DHRS7B: variants seen among roughly 807,000 people sequenced by gnomAD.
The protein encoded by DHRS7B is dehydrogenase/reductase 7B.
A neutral mutation model predicts 26.4 loss-of-function variants in DHRS7B; 24 were observed. The observed-to-expected ratio is 0.91, with a 90% confidence interval of 0.66 to 1.28. DHRS7B has a LOEUF of 1.28. Ranked by LOEUF, DHRS7B falls within the 50% of genes most tolerant of loss-of-function variation. The pLI is 0.00. For missense variants in DHRS7B, 368 were observed against 419.4 expected (o/e 0.88, Z 1.07); for synonymous variants, 142 against 166.4 (o/e 0.85, Z 1.13).
At chr17:21,188,593 G>A (rs1974702059) in intron 5 of DHRS7B, 118 bp from the exon 6 acceptor site, 1 of 1,194,604 alleles carries the variant, frequency 8.4e-7, no homozygotes, top group African/African-American at 1.6e-5. Context: ...ATAGCAAGAC[G>A]ATCACAAATA....
chr17:21,141,619 CAAAA>C (rs71357469), intron 1 of DHRS7B, among the ~76,000 whole-genome samples: 6 of 14,384 alleles, frequency 4.2e-4, no homozygotes, highest in Middle Eastern at 0.071. Flanking sequence ...AGCAAGAAAG[CAAAA>C]AAAAAAAAAA....
intron 1 of DHRS7B, among the ~76,000 whole-genome samples, chr17:21,148,731 G>A (rs1427794353): frequency 6.6e-6 from 1 of 152,082 alleles, no homozygotes; most frequent in Non-Finnish European, 1.5e-5. Context: ...AGGCGACAGA[G>A]CGAGATTGTA....
At chr17:21,138,099 T>TACACACACACACACAC (rs1449609485) in intron 1 of DHRS7B, among the ~76,000 whole-genome samples, 45 of 87,668 alleles carry the variant, frequency 5.1e-4, no homozygotes, top group Admixed American at 6.7e-4. Flanking sequence ...TATATATATA[T>TACACACACACACACAC]ATACACACAC....
chr17:21,134,316 T>C (rs747810115), intron 1 of DHRS7B, among the ~76,000 whole-genome samples: 3 of 152,204 alleles, frequency 2.0e-5, no homozygotes, highest in African/African-American at 4.8e-5. Context: ...TTAAATTGCT[T>C]TGATGGAACT....
At chr17:21,190,801 G>C (rs570722903) in intron 6 of DHRS7B, 147 bp from the exon 7 acceptor site, 1 of 754,458 alleles carries the variant, frequency 1.3e-6, no homozygotes, top group South Asian at 1.8e-5. Context: ...CATCAGGGAT[G>C]GTGGCACACC....
At chr17:21,187,633 C>CAAA (rs370213730) in intron 5 of DHRS7B, among the ~76,000 whole-genome samples, 1 of 99,690 alleles carries the variant, frequency 1.0e-5, no homozygotes, top group Non-Finnish European at 2.0e-5. Flanking sequence ...GACTCTGTCT[C>CAAA]AAAAAAAAAA....
rs769652267 is a variant in DHRS7B, at chr17:21,172,185, G to A, written c.188G>A (p.Gly63Glu). The change falls in exon 2 of 7, where the codon GGG becomes GAG. Residue 63 changes from glycine (G) to glutamate (E), a missense_variant. Gly to Glu is a moderately conservative substitution (Grantham distance 98). Transcript: ENST00000395511. The stretch of plus-strand genomic sequence containing the variant: ...GTGGTGATCACAGGCGCCACCTCAG[G>A]GCTGGGCAAAGGTGGGTCCTGGAGG... ...AVVVITGATS[G>E]LGKECAKVFY... 4 of 1,611,978 alleles carry A rather than the reference G, an allele frequency of 2.5e-6. No individual in the cohort carries two copies. The highest frequency in any genetic ancestry group is 3.4e-6 in the Non-Finnish European group (4 of 1,179,210).
chr17:21,147,974 G>T (rs1490366766), intron 1 of DHRS7B, among the ~76,000 whole-genome samples: 1 of 152,172 alleles, frequency 6.6e-6, no homozygotes, highest in Non-Finnish European at 1.5e-5. Flanking sequence ...CCAGGACTCA[G>T]GGAGGCTAAG....
intron 1 of DHRS7B, 197 bp downstream of exon 1, chr17:21,127,188 C>G: frequency 1.8e-6 from 1 of 545,740 alleles, no homozygotes; most frequent in Non-Finnish European, 3.0e-6. Context: ...AGAGCCCTGG[C>G]TCCGGCGAGT....
intron 6 of DHRS7B, 55 bp from the exon 7 acceptor site, chr17:21,190,893 C>G: frequency 1.9e-6 from 3 of 1,594,674 alleles, no homozygotes; most frequent in African/African-American, 2.7e-5. Flanking sequence ...CTCCACTCCT[C>G]AAGAGGGACC....
intron 1 of DHRS7B, among the ~76,000 whole-genome samples, chr17:21,137,892 C>T (rs1428666556): frequency 6.7e-6 from 1 of 150,278 alleles, no homozygotes; most frequent in Non-Finnish European, 1.5e-5. Context: ...CACCCAGCCT[C>T]TGGCTAATTT....
chr17:21,134,278 C>G (rs1438597406), intron 1 of DHRS7B, among the ~76,000 whole-genome samples: 24 of 152,084 alleles, frequency 1.6e-4, no homozygotes, highest in Non-Finnish European at 2.8e-4. Flanking sequence ...TACAGTGCAG[C>G]AAGAATAATT....
intron 2 of DHRS7B, among the ~76,000 whole-genome samples, chr17:21,176,693 A>G (rs1221947038): frequency 1.3e-5 from 2 of 151,896 alleles, no homozygotes; most frequent in Non-Finnish European, 2.9e-5. Flanking sequence ...GAGATTACCT[A>G]CCTTAACTCA....
At chr17:21,180,028 A>G (rs1466119091) in intron 3 of DHRS7B, among the ~76,000 whole-genome samples, 2 of 150,806 alleles carry the variant, frequency 1.3e-5, no homozygotes, top group Admixed American at 1.3e-4. Context: ...GGGCCTCCCA[A>G]AGTGCTGGGG....
At chr17:21,127,486 G>C (rs933775421) in intron 1 of DHRS7B, 5 of 156,650 alleles carry the variant, frequency 3.2e-5, no homozygotes, top group African/African-American at 1.2e-4. Context: ...GGAGGGTGCT[G>C]ACTCGAGCGT....
At chr17:21,174,832 G>A (rs979566694) in intron 2 of DHRS7B, among the ~76,000 whole-genome samples, 1 of 152,210 alleles carries the variant, frequency 6.6e-6, no homozygotes, top group African/African-American at 2.4e-5. Flanking sequence ...AACCGGATGA[G>A]CAGTTCTAGC....
At chr17:21,177,706 C>A (rs1974415222) in intron 2 of DHRS7B, among the ~76,000 whole-genome samples, 1 of 152,228 alleles carries the variant, frequency 6.6e-6, no homozygotes. Context: ...ACTCTGCTCC[C>A]TCTGCCTCAA....
At chr17:21,130,453 G>C (rs1461960937) in intron 1 of DHRS7B, among the ~76,000 whole-genome samples, 1 of 152,148 alleles carries the variant, frequency 6.6e-6, no homozygotes, top group East Asian at 1.9e-4. Context: ...TGTAAAGGGG[G>C]GGTTCCAGGC....
intron 6 of DHRS7B, among the ~76,000 whole-genome samples, chr17:21,189,405 C>T (rs1974726599): frequency 6.6e-6 from 1 of 152,182 alleles, no homozygotes; most frequent in Non-Finnish European, 1.5e-5. Flanking sequence ...AGCAGCTGGC[C>T]CCAGCATGCA....
Sources: allele counts gnomAD v4.1 joint callset (sites outside exome capture counted in the v4.1 genomes callset), GRCh38; gene constraint gnomAD v4.1.1; transcripts MANE v1.5; gene names NCBI Gene and HGNC (gene_info 2026-07-23, HGNC 2026-07-21).